The following CRAMP1 variants were observed in gnomAD, a reference collection of about 807,000 sequenced individuals.
CRAMP1 encodes the protein cramped chromatin regulator 1, also known as protein cramped-like.
CRAMP1 carries 50 observed loss-of-function variants against 115.4 expected under a neutral mutation model. The ratio of observed to expected loss-of-function variants is 0.43; its 90% CI spans 0.35 to 0.55. The LOEUF (loss-of-function observed/expected upper bound fraction) is 0.55. Among genes scored for constraint, CRAMP1 ranks in the 20% least tolerant of loss-of-function variants. CRAMP1 has a pLI of 0.01. For missense variants in CRAMP1, 1,679 were observed against 1,721.7 expected (o/e 0.98, Z 0.44); for synonymous variants, 866 against 745.4 (o/e 1.16, Z -2.64).
At chr16:1,638,375 G>A (rs1047341852) in intron 5 of CRAMP1, among the ~76,000 whole-genome samples, 3 of 152,186 alleles carry the variant, frequency 2.0e-5, no homozygotes, top group Admixed American at 6.5e-5. Flanking sequence ...GTCAAGGGCC[G>A]TTGCCCTGCA....
rs1325082562 is a variant in CRAMP1 at position 1,673,646 on chromosome 16, C to T, written c.3646-235C>T. On this transcript the variant is annotated intron_variant, in intron 20 of 20. Coordinates refer to ENST00000397412, the MANE Select transcript of CRAMP1 (RefSeq NM_020825.4). Reference sequence around the variant, plus strand: ...CGGGCGGGGGGACCAGCACCCTCACCCCAGCCATCAGATGTGCCAGGCACA... The same window carrying T: ...CGGGCGGGGGGACCAGCACCCTCACTCCAGCCATCAGATGTGCCAGGCACA... Among the ~76,000 whole-genome samples, 4 of 152,214 alleles carry T rather than the reference C, an allele frequency of 2.6e-5. No individual in the cohort carries two copies. The East Asian group carries it at 7.7e-4, about 29-fold the overall frequency.
intron 2 of CRAMP1, among the ~76,000 whole-genome samples, chr16:1,619,374 T>A (rs2036447329): frequency 1.3e-5 from 2 of 151,952 alleles, no homozygotes; most frequent in South Asian, 2.1e-4. Context: ...AGAGATGGGG[T>A]TTTACCGTAT....
rs942737382 is a variant in CRAMP1, at chr16:1,664,051, C to G, written c.2671-1006C>G. On this transcript the variant is annotated intron_variant, in intron 13 of 20. Transcript: ENST00000397412. ...CTACTAGGCTGCAGCCTACTGCTGT[C>G]CCTAGTAGTGCCTCCTCTCTAGTCT... Among the ~76,000 whole-genome samples, 6 of 152,308 alleles carry G rather than the reference C, an allele frequency of 3.9e-5. No homozygotes were observed. The East Asian group carries it at 9.7e-4, about 25-fold the overall frequency.
intron 8 of CRAMP1, among the ~76,000 whole-genome samples, chr16:1,653,612 G>A (rs1052109962): frequency 2.0e-5 from 3 of 151,926 alleles, no homozygotes; most frequent in African/African-American, 7.3e-5. Context: ...GGTGGATCAC[G>A]AGGTCAGGAG....
At position 1,666,402 on chromosome 16, in the gene CRAMP1, A is replaced by G. The variant is rs1555500839; in HGVS notation, c.2858-20A>G. 3 of 1,605,470 alleles carry G rather than the reference A, an allele frequency of 1.9e-6. No homozygotes were observed. The Admixed American group carries it at 5.1e-5, about 27-fold the overall frequency. On this transcript the variant is annotated intron_variant, in intron 15 of 20. Transcript: ENST00000397412. The surrounding 1 kb of genome is among the most constrained non-coding windows in gnomAD (Gnocchi z 5.0). Reference sequence around the variant, plus strand: ...GGTTGTCAGTAGAGCAGAGATGTGCAGCGTCCTTTTTGTTGCCAGGTGCTA... The same window carrying G: ...GGTTGTCAGTAGAGCAGAGATGTGCGGCGTCCTTTTTGTTGCCAGGTGCTA...
chr16:1,620,414 G>A (rs2036456360), intron 2 of CRAMP1, among the ~76,000 whole-genome samples: 1 of 152,186 alleles, frequency 6.6e-6, no homozygotes, highest in African/African-American at 2.4e-5. Flanking sequence ...GCTGAGAAAT[G>A]AGTGAAGCAT....
chr16:1,657,515 G>A (rs753954847), intron 10 of CRAMP1, among the ~76,000 whole-genome samples: 4 of 152,362 alleles, frequency 2.6e-5, no homozygotes, highest in Admixed American at 6.5e-5. Context: ...AACGATGGGT[G>A]TAGTTCTTGC....
At chr16:1,654,919 G>A (rs772198135) in intron 8 of CRAMP1, among the ~76,000 whole-genome samples, 1 of 152,244 alleles carries the variant, frequency 6.6e-6, no homozygotes, top group Non-Finnish European at 1.5e-5. Context: ...GGTAGACTAG[G>A]CAGAGGCTGT....
At chr16:1,629,863 C>A (rs1242161667) in intron 3 of CRAMP1, among the ~76,000 whole-genome samples, 1 of 152,160 alleles carries the variant, frequency 6.6e-6, no homozygotes, top group African/African-American at 2.4e-5. Flanking sequence ...TGCCAGCCTT[C>A]CAGCCCCACC....
In CRAMP1 at chr16:1,656,496, CG is replaced by C; in HGVS notation, c.1741del (p.Asp581ThrfsTer114). The C allele has an allele frequency of 6.4e-7, 1 of 1,571,982 alleles. No individual in the cohort carries two copies. On this transcript the variant is annotated frameshift_variant, in exon 10 of 21. Coordinates refer to ENST00000397412, the MANE Select transcript of CRAMP1 (RefSeq NM_020825.4). LOFTEE classifies it high-confidence loss of function. This position sits in a 1 kb window ranked among gnomAD's most constrained non-coding sequence, Gnocchi z 5.6. Reference sequence around the variant, plus strand: ...ATTGTCCCCGAGCAGTGCCGCTGTGCGGACACACGGCCTGGGAGCGAGCAGC... The same window carrying C: ...ATTGTCCCCGAGCAGTGCCGCTGTGCGACACACGGCCTGGGAGCGAGCAGC... ...DLIVPEQCRCADTRPGSEQPP... is the reference protein window; with the variant it reads ...DLIVPEQCRCXDTRPGSEQPP...
At chr16:1,643,579 C>T (rs2036650403) in intron 6 of CRAMP1, among the ~76,000 whole-genome samples, 1 of 151,784 alleles carries the variant, frequency 6.6e-6, no homozygotes, top group Admixed American at 6.6e-5. Flanking sequence ...GGTGGTTCTG[C>T]CGAGGGAAGG....
intron 20 of CRAMP1, among the ~76,000 whole-genome samples, chr16:1,673,101 G>A (rs758135459): frequency 1.4e-4 from 21 of 151,686 alleles, no homozygotes; most frequent in East Asian, 7.8e-4. Context: ...TGACGGGAAC[G>A]TGCCCCCAGC....
At chr16:1,649,687 C>T (rs1305730357) in intron 6 of CRAMP1, among the ~76,000 whole-genome samples, 1 of 151,352 alleles carries the variant, frequency 6.6e-6, no homozygotes, top group Non-Finnish European at 1.5e-5. Context: ...GACGGGGTTT[C>T]ACCGTGTTAA....
chr16:1,671,225 A>G lies in CRAMP1; in HGVS notation c.3645+416A>G, dbSNP rs2036919523. 1.3e-5 allele frequency among the ~76,000 whole-genome samples: 2 copies of G among 152,132 alleles called. No homozygotes were observed. Among genetic ancestry groups the G allele is most frequent in the Admixed American group, 6.5e-5 (1 of 15,278 alleles). Reference sequence around the variant, plus strand: ...GTGTTGTCAGTGCTCCCATCCTAACAGCAGGACCTTTGAGTGGCATCTCCC... The same window carrying G: ...GTGTTGTCAGTGCTCCCATCCTAACGGCAGGACCTTTGAGTGGCATCTCCC... On this transcript the variant is annotated intron_variant, in intron 20 of 20. Transcript: ENST00000397412. The surrounding 1 kb of genome is among the most constrained non-coding windows in gnomAD (Gnocchi z 5.0).
rs746569774 is a variant in CRAMP1 at position 1,669,060 on chromosome 16, C to A, written c.3394C>A (p.Pro1132Thr). The A allele has an allele frequency of 6.2e-7, 1 of 1,612,616 alleles. No homozygotes were observed. Among genetic ancestry groups the A allele is most frequent in the Admixed American group, 1.7e-5 (1 of 59,862 alleles). ...LNGSDSSKSLPSPSSSPQPHW... is the reference protein window; with the variant it reads ...LNGSDSSKSLTSPSSSPQPHW... ...TGGCAGTGACAGTTCCAAGAGCCTT[C>A]CCTCCCCGTCCAGCAGCCCCCAGCC... Residue 1132 changes from proline (P) to threonine (T), a missense_variant, in exon 19 of 21, where the codon CCC becomes ACC. Physicochemically the swap from Pro to Thr is conservative, Grantham distance 38. Transcript: ENST00000397412. This position sits in a 1 kb window ranked among gnomAD's most constrained non-coding sequence, Gnocchi z 4.6.
intron 3 of CRAMP1, among the ~76,000 whole-genome samples, chr16:1,627,294 C>T (rs781413170): frequency 1.3e-5 from 2 of 152,100 alleles, no homozygotes; most frequent in Admixed American, 6.5e-5. Context: ...TATAGGCACA[C>T]GCCGCCACAC....
intron 6 of CRAMP1, among the ~76,000 whole-genome samples, chr16:1,646,357 C>A (rs2036674316): frequency 6.6e-6 from 1 of 152,158 alleles, no homozygotes; most frequent in Non-Finnish European, 1.5e-5. Context: ...TTCCCACACT[C>A]CCCAGCACTC....
chr16:1,614,790 ACCCCCCGGGCCGGCGCCGACGGC>A lies in CRAMP1; in HGVS notation c.159_181del (p.Gly55ProfsTer56), dbSNP rs994523558. ...CAGCGGCACAAAGAGGGACGAGAAGACCCCCCGGGCCGGCGCCGACGGCCCCCCCGCGCCCCCCGGCGCGCCGC... is the reference window on the plus strand; with the variant it reads ...CAGCGGCACAAAGAGGGACGAGAAGACCCCCCGCGCCCCCCGGCGCGCCGC... On this transcript the variant is annotated frameshift_variant, in exon 2 of 21. Coordinates refer to ENST00000397412, the MANE Select transcript of CRAMP1 (RefSeq NM_020825.4). LOFTEE classifies it high-confidence loss of function. This position sits in a 1 kb window ranked among gnomAD's most constrained non-coding sequence, Gnocchi z 4.4. 8 of 1,333,990 alleles carry A rather than the reference ACCCCCCGGGCCGGCGCCGACGGC, an allele frequency of 6.0e-6. 1 individual carries two copies. Among genetic ancestry groups the A allele is most frequent in the Non-Finnish European group, 7.7e-6 (8 of 1,035,108 alleles). 82.6% of individuals were successfully genotyped at this position (1,333,990 alleles called of 1,614,324 possible). A position where few individuals can be genotyped will look rare whatever the true frequency, so the allele number is the denominator to read the frequency against.
At chr16:1,663,075 A>G (rs2036846627) in intron 13 of CRAMP1, among the ~76,000 whole-genome samples, 2 of 152,260 alleles carry the variant, frequency 1.3e-5, no homozygotes, top group South Asian at 4.1e-4. Flanking sequence ...ATAGGGATTC[A>G]AGTCCAAAGA....
Sources: allele counts gnomAD v4.1 joint callset (sites outside exome capture counted in the v4.1 genomes callset), GRCh38; gene constraint gnomAD v4.1.1; non-coding constraint Gnocchi (gnomAD v3.1); transcripts MANE v1.5; gene names NCBI Gene and HGNC (gene_info 2026-07-23, HGNC 2026-07-21).